Variants in PTPRD observed in about 807,000 individuals in gnomAD.
PTPRD encodes receptor-type tyrosine-protein phosphatase delta.
PTPRD carries 34 observed loss-of-function variants against 214.5 expected under a neutral mutation model. The ratio of observed to expected loss-of-function variants is 0.16; its 90% CI spans 0.12 to 0.21. PTPRD has a LOEUF of 0.21. Among genes scored for constraint, PTPRD ranks in the 10% least tolerant of loss-of-function variants. PTPRD has a pLI of 1.00. For synonymous variants in PTPRD, 1,128 were observed against 845.7 expected (o/e 1.33, Z -5.79); for missense variants, 2,545 against 2,398.7 (o/e 1.06, Z -1.27).
intron 3 of PTPRD, among the ~76,000 whole-genome samples, chr9:10,114,917 T>G (rs2098718455): frequency 6.6e-6 from 1 of 151,940 alleles, no homozygotes; most frequent in Non-Finnish European, 1.5e-5. Flanking sequence ...TAAAATTTTC[T>G]AAGGAATTAT....
chr9:9,554,591 C>T (rs929592146), intron 8 of PTPRD, among the ~76,000 whole-genome samples: 2 of 151,926 alleles, frequency 1.3e-5, no homozygotes, highest in African/African-American at 4.8e-5. Flanking sequence ...CCTCTGGCAC[C>T]TGAAGATATT....
intron 3 of PTPRD, among the ~76,000 whole-genome samples, chr9:10,160,313 C>A (rs545359457): frequency 1.1e-3 from 160 of 152,058 alleles, no homozygotes; most frequent in Admixed American, 2.2e-3. Flanking sequence ...ATATTGAGAA[C>A]CTCAACAAAC....
intron 3 of PTPRD, among the ~76,000 whole-genome samples, chr9:10,281,348 A>G (rs2095099945): frequency 6.6e-6 from 1 of 152,214 alleles, no homozygotes; most frequent in Non-Finnish European, 1.5e-5. Flanking sequence ...CATGATATTT[A>G]GAAAAATAAG....
intron 8 of PTPRD, among the ~76,000 whole-genome samples, chr9:9,453,768 T>C (rs2092599122): frequency 1.3e-5 from 2 of 151,678 alleles, no homozygotes; most frequent in East Asian, 3.9e-4. Flanking sequence ...GAAAAGGAGG[T>C]TTCAAATATT....
intron 7 of PTPRD, among the ~76,000 whole-genome samples, chr9:9,718,485 G>A (rs1486940213): frequency 6.6e-6 from 1 of 152,148 alleles, no homozygotes; most frequent in South Asian, 2.1e-4. Context: ...TAAATAGTGA[G>A]GTGGGAGCTC....
chr9:8,897,631 G>A (rs1207728726), intron 11 of PTPRD, among the ~76,000 whole-genome samples: 3 of 152,158 alleles, frequency 2.0e-5, no homozygotes, highest in Non-Finnish European at 4.4e-5. Flanking sequence ...GGGGAACCCA[G>A]GACTCAGTAC....
intron 8 of PTPRD, among the ~76,000 whole-genome samples, chr9:9,525,009 C>T (rs571290162): frequency 6.9e-4 from 105 of 152,296 alleles, no homozygotes; most frequent in African/African-American, 2.4e-3. Flanking sequence ...AGGCGCCCGC[C>T]ACCACGCCCG....
At chr9:9,785,495 C>A (rs901542223) in intron 5 of PTPRD, among the ~76,000 whole-genome samples, 1 of 151,982 alleles carries the variant, frequency 6.6e-6, no homozygotes, top group Non-Finnish European at 1.5e-5. Context: ...GAACCTTAGT[C>A]TAATCATTCA....
chr9:10,474,360 C>T (rs1388599360), intron 2 of PTPRD, among the ~76,000 whole-genome samples: 1 of 148,920 alleles, frequency 6.7e-6, no homozygotes, highest in Non-Finnish European at 1.5e-5. Flanking sequence ...AAAAAACAGA[C>T]TTTAAACCAA....
At chr9:10,523,599 CTGTATATA>C (rs2053129461) in intron 2 of PTPRD, among the ~76,000 whole-genome samples, 1 of 3,920 alleles carries the variant, frequency 2.6e-4, no homozygotes, top group East Asian at 0.013. Context: ...GTATATTTAT[CTGTATATA>C]TATATATATA....
chr9:8,559,336 T>C (rs1455221908), intron 14 of PTPRD, among the ~76,000 whole-genome samples: 1 of 152,228 alleles, frequency 6.6e-6, no homozygotes, highest in Non-Finnish European at 1.5e-5. Flanking sequence ...GTACATTATA[T>C]ACAGATATCG....
intron 8 of PTPRD, among the ~76,000 whole-genome samples, chr9:9,404,773 T>C (rs72702518): frequency 0.017 from 2,625 of 152,092 alleles, 33 homozygotes; most frequent in Middle Eastern, 0.041. Flanking sequence ...GGAGAGTACA[T>C]AGGTAGCACA....
chr9:10,304,101 G>A (rs1003771142), intron 3 of PTPRD, among the ~76,000 whole-genome samples: 4 of 152,110 alleles, frequency 2.6e-5, no homozygotes, highest in African/African-American at 7.2e-5. Flanking sequence ...ATGCAAGGCT[G>A]GTTCAACATA....
intron 10 of PTPRD, among the ~76,000 whole-genome samples, chr9:9,141,790 A>C (rs1056765013): frequency 6.6e-6 from 1 of 151,138 alleles, no homozygotes; most frequent in African/African-American, 2.4e-5. Context: ...TATATTATAT[A>C]TCTCTATATA....
chr9:9,949,044 A>G lies in PTPRD; in HGVS notation c.-471-10434T>C, dbSNP rs995524369. 9.2e-5 allele frequency among the ~76,000 whole-genome samples: 14 copies of G among 152,080 alleles called. 1 individual carries two copies. Among genetic ancestry groups the G allele is most frequent in the Admixed American group, 8.5e-4 (13 of 15,252 alleles). On this transcript the variant is annotated intron_variant, in intron 4 of 45. Coordinates refer to ENST00000381196, the MANE Select transcript of PTPRD (RefSeq NM_002839.4). ...TAAAGGGTGAAGAATACGAGAAAACAAGATGTAGAGCAAAAATTATAAGAA... is the reference window on the plus strand; with the variant it reads ...TAAAGGGTGAAGAATACGAGAAAACGAGATGTAGAGCAAAAATTATAAGAA...
At chr9:10,049,412 AAAG>A (rs1567316164) in intron 3 of PTPRD, among the ~76,000 whole-genome samples, 13,657 of 80,224 alleles carry the variant, frequency 0.17, 1,051 homozygotes, top group African/African-American at 0.3. Flanking sequence ...AAAAAAAAAG[AAAG>A]AAAGAAAGAA....
intron 11 of PTPRD, among the ~76,000 whole-genome samples, chr9:8,894,648 C>A (rs1326258027): frequency 2.0e-5 from 3 of 152,048 alleles, no homozygotes; most frequent in Non-Finnish European, 4.4e-5. Context: ...AAACTGTACA[C>A]TTAGTAAATA....
At chr9:9,631,654 G>C (rs1055681951) in intron 7 of PTPRD, among the ~76,000 whole-genome samples, 3 of 152,098 alleles carry the variant, frequency 2.0e-5, no homozygotes, top group Non-Finnish European at 1.5e-5. Context: ...AGGTAACATA[G>C]GGAAAGGAGC....
chr9:10,302,466 T>C (rs1463664705), intron 3 of PTPRD, among the ~76,000 whole-genome samples: 1 of 152,202 alleles, frequency 6.6e-6, no homozygotes, highest in Non-Finnish European at 1.5e-5. Context: ...AGACACAGAC[T>C]GGCAAACTGG....
Sources: gnomAD v4.1 joint callset for allele counts (sites outside exome capture counted in the v4.1 genomes callset) on GRCh38, gnomAD v4.1.1 for gene constraint, MANE v1.5 for transcripts, NCBI Gene and HGNC (gene_info 2026-07-23, HGNC 2026-07-21) for gene names.